Variants in RAD54B observed in about 807,000 individuals in gnomAD.
RAD54B encodes DNA repair and recombination protein RAD54B.
RAD54B carries 78 observed loss-of-function variants against 95.8 expected under a neutral mutation model. The ratio of observed to expected loss-of-function variants is 0.81; its 90% confidence interval spans 0.68 to 0.98. The LOEUF is 0.98. Ranked by LOEUF, RAD54B falls within the 50% of genes least tolerant of loss-of-function variation. RAD54B has a pLI of 0.00. For synonymous variants in RAD54B, 328 were observed against 354.9 expected, an observed-to-expected ratio of 0.92 and a Z score of 0.85; for missense variants, 957 against 1,056.6, an observed-to-expected ratio of 0.91 and a Z score of 1.31.
intron 3 of RAD54B, chr8:94,427,688 C>T (rs572301318): frequency 2.3e-5 from 23 of 980,428 alleles, no homozygotes; most frequent in Middle Eastern, 1.0e-3. Flanking sequence ...TTTGTCTTAA[C>T]GGCACACAAA....
intron 3 of RAD54B, among the ~76,000 whole-genome samples, chr8:94,450,583 C>T (rs1350384385): frequency 1.3e-5 from 2 of 152,178 alleles, no homozygotes; most frequent in Non-Finnish European, 2.9e-5. Context: ...CAAATAAGCA[C>T]TTTTAATAAG....
chr8:94,432,388 C>A (rs1004566968), intron 3 of RAD54B: 92 of 1,550,278 alleles, frequency 5.9e-5, no homozygotes, highest in Non-Finnish European at 7.8e-5. Flanking sequence ...CGAAAAAAAT[C>A]ATCTCTCCTT....
chr8:94,377,889 T>A (rs1810632160), intron 14 of RAD54B, among the ~76,000 whole-genome samples: 1 of 136,038 alleles, frequency 7.4e-6, no homozygotes, highest in Non-Finnish European at 1.5e-5. Context: ...GGCAGGAGAA[T>A]GGCGTGAACC....
At chr8:94,381,756 T>G (rs544103561) in intron 11 of RAD54B, among the ~76,000 whole-genome samples, 3 of 152,052 alleles carry the variant, frequency 2.0e-5, no homozygotes, top group South Asian at 4.2e-4. Flanking sequence ...AAAAAAGAAT[T>G]AGAGAATCAA....
intron 3 of RAD54B, among the ~76,000 whole-genome samples, chr8:94,445,632 A>G (rs1812504141): frequency 1.3e-5 from 2 of 152,216 alleles, no homozygotes; most frequent in African/African-American, 2.4e-5. Context: ...AGCACCCACA[A>G]TAACAGCTGA....
chr8:94,393,992 GAATA>G, intron 8 of RAD54B, 110 bp from the exon 9 acceptor site: 2 of 1,021,654 alleles, frequency 2.0e-6, no homozygotes, highest in South Asian at 3.5e-5. Context: ...TCCCTAAAAG[GAATA>G]AATACAAGCA....
At chr8:94,375,880 G>T (rs1260119696) in intron 14 of RAD54B, among the ~76,000 whole-genome samples, 1 of 152,116 alleles carries the variant, frequency 6.6e-6, no homozygotes, top group Non-Finnish European at 1.5e-5. Flanking sequence ...GGTTTCTTTT[G>T]ATGTAGAAGG....
At chr8:94,442,313 C>A (rs1310814831) in intron 3 of RAD54B, among the ~76,000 whole-genome samples, 1 of 151,904 alleles carries the variant, frequency 6.6e-6, no homozygotes, top group East Asian at 1.9e-4. Flanking sequence ...GTGGCTCACG[C>A]CTGTAATCCC....
chr8:94,405,318 T>C (rs773330944), intron 5 of RAD54B, among the ~76,000 whole-genome samples: 5 of 152,054 alleles, frequency 3.3e-5, no homozygotes, highest in Non-Finnish European at 5.9e-5. Flanking sequence ...TTTGCATGCC[T>C]ACATCATGTT....
chr8:94,410,905 T>C (rs1267372806), intron 4 of RAD54B, among the ~76,000 whole-genome samples: 2 of 152,112 alleles, frequency 1.3e-5, no homozygotes, highest in East Asian at 3.8e-4. Flanking sequence ...AACCATAGGA[T>C]AGGATTTGCT....
chr8:94,397,613 A>G (rs377056546), intron 8 of RAD54B, among the ~76,000 whole-genome samples: 1 of 152,172 alleles, frequency 6.6e-6, no homozygotes, highest in African/African-American at 2.4e-5. Flanking sequence ...ATCATTGAGT[A>G]TATCAATAAA....
chr8:94,440,307 G>A (rs1469993549), intron 3 of RAD54B, among the ~76,000 whole-genome samples: 1 of 151,840 alleles, frequency 6.6e-6, no homozygotes, highest in Non-Finnish European at 1.5e-5. Flanking sequence ...ATTACTGTTT[G>A]ATTATATTAC....
intron 3 of RAD54B, among the ~76,000 whole-genome samples, chr8:94,424,498 G>C (rs569546622): frequency 1.3e-5 from 2 of 152,266 alleles, no homozygotes; most frequent in African/African-American, 4.8e-5. Context: ...GCATGGAATA[G>C]AGAGGGTGAA....
At chr8:94,436,729 T>G in intron 3 of RAD54B, 1 of 1,550,732 alleles carries the variant, frequency 6.4e-7, no homozygotes, top group Non-Finnish European at 8.7e-7. Context: ...TGCTATGATA[T>G]CCCAACATCT....
At chr8:94,380,948 T>C (rs566811592) in intron 11 of RAD54B, among the ~76,000 whole-genome samples, 1 of 152,312 alleles carries the variant, frequency 6.6e-6, no homozygotes, top group East Asian at 1.9e-4. Flanking sequence ...ATAAAGTATT[T>C]ATTATCTGGA....
chr8:94,407,696 A>G lies in RAD54B; in HGVS notation c.524T>C (p.Leu175Pro), dbSNP rs1217249416. The G allele has an allele frequency of 2.5e-6, 4 of 1,612,476 alleles. No individual in the cohort carries two copies. Among genetic ancestry groups the G allele is most frequent in the Admixed American group, 1.7e-5 (1 of 59,862 alleles). ...TGTTTGGCCCTCTTCAATCTTTTCA[A>G]GCTCTTTGAATTTATAACCAATGCC... is the stretch of plus-strand genomic sequence containing the variant. ...GRGIGYKFKE[L>P]EKIEEGQTLM... is the part of the protein sequence containing the mutation. Residue 175 changes from leucine (L) to proline (P), a missense_variant, in exon 5 of 15, where the codon CTT becomes CCT. Transcript: ENST00000336148.
chr8:94,460,123 A>C (rs1242465343), intron 2 of RAD54B, among the ~76,000 whole-genome samples: 1 of 151,582 alleles, frequency 6.6e-6, no homozygotes, highest in Non-Finnish European at 1.5e-5. Context: ...GCGCCACTGC[A>C]CTGCAGCCTG....
chr8:94,443,318 A>G (rs985708607), intron 3 of RAD54B, among the ~76,000 whole-genome samples: 1 of 152,152 alleles, frequency 6.6e-6, no homozygotes, highest in African/African-American at 2.4e-5. Flanking sequence ...TGGGGCCTAT[A>G]GGGATGGTCA....
intron 3 of RAD54B, among the ~76,000 whole-genome samples, chr8:94,453,066 C>CATAATGAGTATGGAGTT (rs1812702384): frequency 6.6e-6 from 1 of 152,104 alleles, no homozygotes; most frequent in Non-Finnish European, 1.5e-5. Flanking sequence ...TGATGAGTAT[C>CATAATGAGTATGGAGTT]CTACTCCAAG....
Sources: allele counts gnomAD v4.1 joint callset (sites outside exome capture counted in the v4.1 genomes callset), GRCh38; gene constraint gnomAD v4.1.1; transcripts MANE v1.5; gene names NCBI Gene and HGNC (gene_info 2026-07-23, HGNC 2026-07-21).